Variants in CNIH3 observed in about 807,000 individuals in gnomAD.
The protein encoded by CNIH3 is protein cornichon homolog 3.
Under a neutral mutation model 24.1 loss-of-function variants are expected in CNIH3, and 14 were observed. The ratio of observed to expected loss-of-function variants is 0.58; its 90% CI spans 0.38 to 0.91. CNIH3 has a LOEUF of 0.91. Among genes scored for constraint, CNIH3 ranks in the 40% least tolerant of loss-of-function variants. CNIH3 has a pLI of 0.00. For missense variants in CNIH3, 178 were observed against 196.8 expected (o/e 0.90, Z 0.57); for synonymous variants, 68 against 73.8 (o/e 0.92, Z 0.40).
intron 1 of CNIH3, among the ~76,000 whole-genome samples, chr1:224,676,682 G>A (rs577716799): frequency 3.3e-5 from 5 of 152,262 alleles, no homozygotes; most frequent in Admixed American, 6.5e-5. Flanking sequence ...CTGTCTGGCC[G>A]TTCATCTGCC....
intron 1 of CNIH3, among the ~76,000 whole-genome samples, chr1:224,637,655 G>A (rs549632086): frequency 1.8e-4 from 28 of 152,270 alleles, no homozygotes; most frequent in African/African-American, 6.3e-4. Flanking sequence ...TCACAGGAAC[G>A]GATCATGAAC....
chr1:224,641,068 G>C (rs948311440), intron 1 of CNIH3, among the ~76,000 whole-genome samples: 9 of 152,202 alleles, frequency 5.9e-5, no homozygotes, highest in Admixed American at 2.6e-4. Flanking sequence ...GGGGCTCTGA[G>C]GTTCATTTTC....
At chr1:224,709,592 A>G (rs1430120880) in intron 3 of CNIH3, among the ~76,000 whole-genome samples, 2 of 152,210 alleles carry the variant, frequency 1.3e-5, no homozygotes, top group Admixed American at 1.3e-4. Context: ...CTGACCACAT[A>G]AACCTACCAC....
chr1:224,618,016 C>A (rs1683104670), intron 1 of CNIH3, among the ~76,000 whole-genome samples: 1 of 152,208 alleles, frequency 6.6e-6, no homozygotes, highest in African/African-American at 2.4e-5. Flanking sequence ...AGCTTCCTGT[C>A]ACCCTTCCCG....
At chr1:224,729,099 G>A (rs1689183826) in intron 3 of CNIH3, among the ~76,000 whole-genome samples, 1 of 152,030 alleles carries the variant, frequency 6.6e-6, no homozygotes, top group African/African-American at 2.4e-5. Context: ...GGGACGGTAG[G>A]CAGAGCTCCC....
chr1:224,609,314 C>G (rs1001218858), intron 3 of CNIH3, among the ~76,000 whole-genome samples: 37 of 151,906 alleles, frequency 2.4e-4, no homozygotes, highest in African/African-American at 8.2e-4. Flanking sequence ...TCTTCTACAT[C>G]TTTTAAAATT....
chr1:224,715,740 G>T (rs891566537), intron 3 of CNIH3, among the ~76,000 whole-genome samples: 2 of 152,058 alleles, frequency 1.3e-5, no homozygotes, highest in African/African-American at 4.8e-5. Context: ...ATAATAACCA[G>T]CTCTCATGGG....
intron 1 of CNIH3, among the ~76,000 whole-genome samples, chr1:224,484,040 G>A (rs903969480): frequency 6.6e-5 from 10 of 151,788 alleles, no homozygotes; most frequent in South Asian, 4.2e-4. Context: ...GTGTGGTGGC[G>A]CGTGCCTGTA....
chr1:224,730,615 C>A, intron 4 of CNIH3, 41 bp downstream of exon 4: 1 of 1,234,652 alleles, frequency 8.1e-7, no homozygotes, highest in Non-Finnish European at 1.2e-6. Context: ...GTCTTTTCTG[C>A]CAGGGCAGCC....
rs141386585 is a variant in CNIH3, at chr1:224,714,587, G to A, written c.199-15875G>A. On this transcript the variant is annotated intron_variant, in intron 3 of 5. Transcript: ENST00000272133. ...GTGCCTTGCACACATTCCCTGTGCC[G>A]TGGTTTGAGGTGATATAAATTCTGC... Among the ~76,000 whole-genome samples, 528 of 152,332 alleles carry A rather than the reference G, an allele frequency of 3.5e-3. 4 individuals are homozygous for A. The highest frequency in any genetic ancestry group is 0.012 in the African/African-American group (492 of 41,582).
chr1:224,653,867 C>T (rs1024219944), intron 1 of CNIH3, among the ~76,000 whole-genome samples: 6 of 152,070 alleles, frequency 3.9e-5, no homozygotes, highest in Non-Finnish European at 7.4e-5. Flanking sequence ...ACTGCTTGAG[C>T]CAGGAGTTTG....
Position 224,704,354 on chromosome 1 carries a change from C to T in CNIH3, c.198+19511C>T, listed in dbSNP as rs1054456844. The stretch of plus-strand genomic sequence containing the variant: ...AGGGGCTCTCTGCAAAAGCTAAAGT[C>T]AGCAGCAGATGATATGATGCAGGAT... On this transcript the variant is annotated intron_variant, in intron 3 of 5. Coordinates refer to ENST00000272133, the MANE Select transcript of CNIH3 (RefSeq NM_152495.2). The surrounding 1 kb of genome is among the most constrained non-coding windows in gnomAD (Gnocchi z 4.2). 6.6e-5 allele frequency among the ~76,000 whole-genome samples: 10 copies of T among 152,196 alleles called. No individual in the cohort carries two copies. Among genetic ancestry groups the T allele is most frequent in the Admixed American group, 4.6e-4 (7 of 15,270 alleles).
Position 224,579,227 on chromosome 1 carries a change from C to G in CNIH3, n.517-3937C>G, listed in dbSNP as rs116027697. On this transcript the variant is annotated intron_variant and non_coding_transcript_variant, in intron 4 of 5. Transcript: ENST00000471578. ...GTTCCTTTTTGTCTTTTCATAAGCT[C>G]TGTTTCCTCCAAGTTGTTGTTTTCT... Among the ~76,000 whole-genome samples, 235 of 152,134 alleles carry G rather than the reference C, an allele frequency of 1.5e-3. 1 individual carries two copies. Among genetic ancestry groups the G allele is most frequent in the African/African-American group, 4.8e-3 (200 of 41,510 alleles).
chr1:224,702,260 T>G (rs1301573590), intron 3 of CNIH3, among the ~76,000 whole-genome samples: 1 of 152,248 alleles, frequency 6.6e-6, no homozygotes, highest in Non-Finnish European at 1.5e-5. Flanking sequence ...CACAATTTAT[T>G]TAGCCATTTT....
chr1:224,439,278 C>G (rs930933108), intron 1 of CNIH3, among the ~76,000 whole-genome samples: 3 of 152,232 alleles, frequency 2.0e-5, no homozygotes, highest in African/African-American at 7.2e-5. Flanking sequence ...AGCGCAAAGA[C>G]AGGACGACTG....
At chr1:224,728,897 C>T (rs1262886059) in intron 3 of CNIH3, among the ~76,000 whole-genome samples, 4 of 152,150 alleles carry the variant, frequency 2.6e-5, no homozygotes, top group African/African-American at 7.2e-5. Flanking sequence ...AGGCGCTTTG[C>T]AAATGGAAAT....
chr1:224,445,961 T>TC (rs1675144622), intron 1 of CNIH3, among the ~76,000 whole-genome samples: 2 of 152,210 alleles, frequency 1.3e-5, no homozygotes, highest in Admixed American at 1.3e-4. Flanking sequence ...TCATTGTTTT[T>TC]CCATGTGAAT....
At chr1:224,587,885 G>C (rs1279868616) in intron 5 of CNIH3, among the ~76,000 whole-genome samples, 2 of 151,904 alleles carry the variant, frequency 1.3e-5, no homozygotes, top group African/African-American at 4.8e-5. Flanking sequence ...AGGCCTTAGT[G>C]AGCTGTGATT....
intron 1 of CNIH3, among the ~76,000 whole-genome samples, chr1:224,455,172 T>C (rs1675594869): frequency 6.6e-6 from 1 of 152,174 alleles, no homozygotes; most frequent in Non-Finnish European, 1.5e-5. Flanking sequence ...TGTAATTGAA[T>C]ACTGTACAGA....
Sources: allele counts gnomAD v4.1 joint callset (sites outside exome capture counted in the v4.1 genomes callset), GRCh38; gene constraint gnomAD v4.1.1; non-coding constraint Gnocchi (gnomAD v3.1); transcripts MANE v1.5; gene names NCBI Gene and HGNC (gene_info 2026-07-23, HGNC 2026-07-21).